SORCS1: variants seen among roughly 807,000 people sequenced by gnomAD.
SORCS1 encodes sortilin related VPS10 domain containing receptor 1.
In SORCS1, 60 loss-of-function variants were observed where a neutral mutation model predicts 146.1. The ratio of observed to expected loss-of-function variants is 0.41; its 90% confidence interval spans 0.33 to 0.51. The LOEUF is 0.51. Ranked by LOEUF, SORCS1 falls within the 20% of genes least tolerant of loss-of-function variation. The pLI, the probability that SORCS1 is intolerant of heterozygous loss-of-function variation, is 0.21. For missense variants in SORCS1, 1,352 were observed against 1,487.6 expected (o/e 0.91, Z 1.50); for synonymous variants, 637 against 584.0 (o/e 1.09, Z -1.31).
chr10:106,805,272 A>T (rs1947104977), intron 3 of SORCS1, among the ~76,000 whole-genome samples: 1 of 152,198 alleles, frequency 6.6e-6, no homozygotes, highest in African/African-American at 2.4e-5. Context: ...TCTGATAAGG[A>T]TCCTACGAAA....
At chr10:106,652,282 A>G in intron 18 of SORCS1, 100 bp downstream of exon 18, 7 of 1,332,892 alleles carry the variant, frequency 5.3e-6, no homozygotes, top group Non-Finnish European at 7.0e-6. Flanking sequence ...AATAGCATCT[A>G]AAATGGAGAA....
At chr10:106,927,413 C>A (rs1589723852) in intron 2 of SORCS1, among the ~76,000 whole-genome samples, 1 of 152,068 alleles carries the variant, frequency 6.6e-6, no homozygotes, top group Non-Finnish European at 1.5e-5. Context: ...AGTGAAGCTG[C>A]AGACCTTGGC....
chr10:106,611,330 C>T (rs1329891739), intron 22 of SORCS1, among the ~76,000 whole-genome samples: 7 of 152,176 alleles, frequency 4.6e-5, no homozygotes, highest in Admixed American at 3.9e-4. Context: ...CCTCTCTAAA[C>T]TTCAGTTGCC....
intron 1 of SORCS1, among the ~76,000 whole-genome samples, chr10:107,156,251 A>T (rs1969274388): frequency 6.6e-6 from 1 of 152,230 alleles, no homozygotes; most frequent in South Asian, 2.1e-4. Context: ...ACAAAGCATG[A>T]TTTATAGCAC....
At chr10:106,773,980 G>A (rs886516731) in intron 4 of SORCS1, among the ~76,000 whole-genome samples, 15 of 151,986 alleles carry the variant, frequency 9.9e-5, no homozygotes, top group African/African-American at 3.1e-4. Context: ...ACTATCAAAC[G>A]TCAGGTAGCC....
intron 2 of SORCS1, among the ~76,000 whole-genome samples, chr10:106,837,422 G>A (rs907536170): frequency 2.0e-5 from 3 of 151,986 alleles, no homozygotes; most frequent in African/African-American, 7.3e-5. Flanking sequence ...TGGTTCTCAG[G>A]AGCTGGGAAA....
At chr10:106,737,523 G>A (rs1466390878) in intron 5 of SORCS1, among the ~76,000 whole-genome samples, 2 of 152,000 alleles carry the variant, frequency 1.3e-5, no homozygotes, top group Non-Finnish European at 2.9e-5. Flanking sequence ...TTGGAAGTTC[G>A]AGACGAGCCT....
At chr10:106,919,724 GTATA>G (rs1179845357) in intron 2 of SORCS1, among the ~76,000 whole-genome samples, 1 of 152,144 alleles carries the variant, frequency 6.6e-6, no homozygotes, top group Non-Finnish European at 1.5e-5. Context: ...AAATAAAAAT[GTATA>G]AATAAAGTCA....
chr10:106,822,267 T>A (rs1014621295), intron 3 of SORCS1, among the ~76,000 whole-genome samples: 1 of 152,200 alleles, frequency 6.6e-6, no homozygotes, highest in Non-Finnish European at 1.5e-5. Flanking sequence ...TTGATTTATA[T>A]AAACTAATAT....
intron 2 of SORCS1, among the ~76,000 whole-genome samples, chr10:106,858,402 G>C (rs1420194256): frequency 1.3e-5 from 2 of 151,658 alleles, no homozygotes; most frequent in African/African-American, 4.8e-5. Flanking sequence ...GGCGGATCAC[G>C]AGGTCAGGAG....
chr10:106,605,014 T>C (rs995901599), intron 23 of SORCS1, among the ~76,000 whole-genome samples: 1 of 152,248 alleles, frequency 6.6e-6, no homozygotes, highest in Non-Finnish European at 1.5e-5. Context: ...GAGGTGAAAC[T>C]AGAAACTGGT....
intron 2 of SORCS1, among the ~76,000 whole-genome samples, chr10:106,851,782 A>C (rs1589552903): frequency 1.3e-5 from 2 of 152,234 alleles, no homozygotes; most frequent in African/African-American, 4.8e-5. Context: ...TCTATAGATC[A>C]AGTTGAGAAG....
At chr10:107,152,242 G>C (rs1029582564) in intron 1 of SORCS1, among the ~76,000 whole-genome samples, 1 of 152,208 alleles carries the variant, frequency 6.6e-6, no homozygotes, top group African/African-American at 2.4e-5. Flanking sequence ...AGGATGTACA[G>C]AAATGCCTGG....
chr10:106,983,647 C>T (rs1956330312), intron 1 of SORCS1, among the ~76,000 whole-genome samples: 1 of 152,118 alleles, frequency 6.6e-6, no homozygotes, highest in Non-Finnish European at 1.5e-5. Flanking sequence ...TCTCTGAAAC[C>T]AGATTTTGCC....
At chr10:106,931,737 C>A (rs945850169) in intron 2 of SORCS1, among the ~76,000 whole-genome samples, 1 of 152,240 alleles carries the variant, frequency 6.6e-6, no homozygotes, top group African/African-American at 2.4e-5. Flanking sequence ...CAGCACTCTG[C>A]CCTGGTAAAT....
At chr10:106,853,618 C>A (rs576442376) in intron 2 of SORCS1, among the ~76,000 whole-genome samples, 1 of 152,024 alleles carries the variant, frequency 6.6e-6, no homozygotes, top group South Asian at 2.1e-4. Flanking sequence ...TCCCTCTAAG[C>A]ATGGCTTTTA....
At chr10:106,622,494 A>G (rs1847819009) in intron 19 of SORCS1, among the ~76,000 whole-genome samples, 1 of 152,104 alleles carries the variant, frequency 6.6e-6, no homozygotes, top group African/African-American at 2.4e-5. Context: ...ACTGGGTAAA[A>G]CAAATGATAT....
intron 1 of SORCS1, among the ~76,000 whole-genome samples, chr10:106,959,630 T>G (rs1333537274): frequency 6.6e-6 from 1 of 152,232 alleles, no homozygotes; most frequent in Non-Finnish European, 1.5e-5. Flanking sequence ...CTGTTGTTTT[T>G]GTTGTATTTT....
intron 4 of SORCS1, among the ~76,000 whole-genome samples, chr10:106,768,336 G>C (rs922025606): frequency 1.3e-5 from 2 of 152,180 alleles, no homozygotes; most frequent in Admixed American, 6.5e-5. Flanking sequence ...AAAAAACTGA[G>C]TGCCTTTTAA....
Sources: gnomAD v4.1 joint callset for allele counts (sites outside exome capture counted in the v4.1 genomes callset) on GRCh38, gnomAD v4.1.1 for gene constraint, MANE v1.5 for transcripts, NCBI Gene and HGNC (gene_info 2026-07-23, HGNC 2026-07-21) for gene names.